The following GRID1 variants were observed in gnomAD, a reference collection of about 807,000 sequenced individuals.
GRID1 encodes the protein glutamate ionotropic receptor delta type subunit 1, also known as glutamate receptor ionotropic, delta-1.
In GRID1, 28 loss-of-function variants were observed where a neutral mutation model predicts 98.0. That is an observed-to-expected ratio of 0.29 (90% CI 0.21 to 0.39). GRID1 has a LOEUF of 0.39. GRID1 is among the 10% of genes least tolerant of loss of function. The pLI, the probability that GRID1 is intolerant of heterozygous loss-of-function variation, is 1.00. For synonymous variants in GRID1, 553 were observed against 538.5 expected (o/e 1.03, Z -0.37); for missense variants, 1,111 against 1,340.5 (o/e 0.83, Z 2.67).
intron 4 of GRID1, among the ~76,000 whole-genome samples, chr10:86,108,906 A>C (rs940908285): frequency 6.6e-6 from 1 of 152,116 alleles, no homozygotes. Context: ...GTTGGCTATC[A>C]TAAGTGCCCA....
chr10:85,828,797 A>G (rs1368331941), intron 8 of GRID1, among the ~76,000 whole-genome samples: 1 of 152,130 alleles, frequency 6.6e-6, no homozygotes, highest in Non-Finnish European at 1.5e-5. Context: ...AATTAGTTAC[A>G]AAATTGAATC....
At chr10:85,910,654 G>T (rs965743461) in intron 5 of GRID1, among the ~76,000 whole-genome samples, 12 of 152,188 alleles carry the variant, frequency 7.9e-5, no homozygotes, top group African/African-American at 2.9e-4. Flanking sequence ...TGTCCTTTGG[G>T]TGGCAGATGG....
intron 5 of GRID1, among the ~76,000 whole-genome samples, chr10:85,877,916 A>C (rs1451747177): frequency 6.6e-6 from 1 of 152,226 alleles, no homozygotes; most frequent in Non-Finnish European, 1.5e-5. Flanking sequence ...AATGCACAGA[A>C]GTCCTTAAAG....
At chr10:86,219,591 C>T (rs1361391993) in intron 2 of GRID1, among the ~76,000 whole-genome samples, 1 of 152,190 alleles carries the variant, frequency 6.6e-6, no homozygotes, top group Non-Finnish European at 1.5e-5. Context: ...CAGCCCTGGT[C>T]ACGTGTGGCC....
At chr10:85,632,171 C>T (rs910893388) in intron 13 of GRID1, among the ~76,000 whole-genome samples, 3 of 152,218 alleles carry the variant, frequency 2.0e-5, no homozygotes, top group Non-Finnish European at 4.4e-5. Context: ...CTTGGCTTGA[C>T]TGAGCTGCTG....
chr10:85,932,706 C>T (rs1233384717), intron 4 of GRID1, among the ~76,000 whole-genome samples: 2 of 152,144 alleles, frequency 1.3e-5, no homozygotes, highest in South Asian at 2.1e-4. Flanking sequence ...AATCCAAAGT[C>T]CATCAGAAGT....
chr10:85,807,370 G>GAAAGAAGAGA (rs540305950), intron 8 of GRID1, among the ~76,000 whole-genome samples: 4,951 of 151,062 alleles, frequency 0.033, 124 homozygotes, highest in Non-Finnish European at 0.047. Flanking sequence ...AAAAAAAAAG[G>GAAAGAAGAGA]AAAGAAAAAG....
At chr10:86,071,425 A>G (rs1175032595) in intron 4 of GRID1, among the ~76,000 whole-genome samples, 1 of 152,228 alleles carries the variant, frequency 6.6e-6, no homozygotes, top group Non-Finnish European at 1.5e-5. Context: ...TCTCTGGTCC[A>G]TCATCCACAA....
chr10:86,013,991 T>C (rs1300558199), intron 4 of GRID1, among the ~76,000 whole-genome samples: 1 of 152,256 alleles, frequency 6.6e-6, no homozygotes, highest in Non-Finnish European at 1.5e-5. Context: ...TGAGCCTTTC[T>C]GGATTTGGAA....
chr10:85,962,300 T>C (rs1044377130), intron 4 of GRID1, among the ~76,000 whole-genome samples: 2 of 152,222 alleles, frequency 1.3e-5, no homozygotes, highest in Non-Finnish European at 2.9e-5. Flanking sequence ...GGTGACTGGA[T>C]GGAAGTGATC....
chr10:86,092,024 C>T (rs935101632), intron 4 of GRID1, among the ~76,000 whole-genome samples: 4 of 152,112 alleles, frequency 2.6e-5, no homozygotes, highest in Admixed American at 6.5e-5. Flanking sequence ...ACAGACTACC[C>T]AAATGAGAAG....
At chr10:86,130,733 C>T (rs907927901) in intron 4 of GRID1, among the ~76,000 whole-genome samples, 3 of 152,242 alleles carry the variant, frequency 2.0e-5, no homozygotes, top group Non-Finnish European at 4.4e-5. Flanking sequence ...TGACCTGATT[C>T]TTCCTGGTTG....
At chr10:85,611,121 C>T (rs1362852605) in intron 15 of GRID1, among the ~76,000 whole-genome samples, 3 of 152,202 alleles carry the variant, frequency 2.0e-5, no homozygotes, top group African/African-American at 4.8e-5. Flanking sequence ...CCCTTGGTCT[C>T]CTGGTCTCTC....
chr10:85,792,208 C>A (rs1842486973), intron 8 of GRID1, among the ~76,000 whole-genome samples: 1 of 152,164 alleles, frequency 6.6e-6, no homozygotes, highest in African/African-American at 2.4e-5. Flanking sequence ...GCCAGTGCCA[C>A]CAGAGATCCG....
chr10:86,262,961 C>A (rs889421523), intron 2 of GRID1, among the ~76,000 whole-genome samples: 5 of 141,194 alleles, frequency 3.5e-5, no homozygotes, highest in African/African-American at 1.0e-4. Context: ...GCATAGGCTG[C>A]GTTTGTGGGA....
At chr10:85,647,636 T>A in intron 12 of GRID1, 1 of 485,478 alleles carries the variant, frequency 2.1e-6, no homozygotes, top group South Asian at 3.0e-5. Context: ...ACTGGGCACC[T>A]AAAACCAGGT....
intron 12 of GRID1, among the ~76,000 whole-genome samples, chr10:85,720,699 C>G (rs1482913365): frequency 1.3e-5 from 2 of 149,974 alleles, no homozygotes; most frequent in East Asian, 3.9e-4. Flanking sequence ...AACTCTCAAC[C>G]TAAACCTCAA....
chr10:85,693,676 C>T (rs1295999369), intron 12 of GRID1, among the ~76,000 whole-genome samples: 1 of 152,128 alleles, frequency 6.6e-6, no homozygotes, highest in Admixed American at 6.6e-5. Flanking sequence ...CAAAAACATG[C>T]ACTGGGGAAA....
At chr10:85,937,843 G>T (rs896158283) in intron 4 of GRID1, among the ~76,000 whole-genome samples, 1 of 152,162 alleles carries the variant, frequency 6.6e-6, no homozygotes, top group African/African-American at 2.4e-5. Flanking sequence ...ACAAAGAAGT[G>T]CCCAGCCCAG....
Sources: gnomAD v4.1 joint callset for allele counts (sites outside exome capture counted in the v4.1 genomes callset) on GRCh38, gnomAD v4.1.1 for gene constraint, MANE v1.5 for transcripts, NCBI Gene and HGNC (gene_info 2026-07-23, HGNC 2026-07-21) for gene names.